The following LRRIQ1 variants were observed in gnomAD, a reference collection of about 807,000 sequenced individuals.
LRRIQ1 encodes leucine rich repeats and IQ motif containing 1.
LRRIQ1 carries 210 observed loss-of-function variants against 211.9 expected under a neutral mutation model. The ratio of observed to expected loss-of-function variants is 0.99; its 90% CI spans 0.89 to 1.11. LRRIQ1 has a LOEUF of 1.11. LRRIQ1 is among the 50% of genes most tolerant of loss of function. The probability of loss-of-function intolerance (pLI) is 0.00; values close to 1 mark genes in which losing one functional copy is unlikely to be tolerated. For missense variants in LRRIQ1, 2,136 were observed against 1,939.5 expected, an observed-to-expected ratio of 1.10 and a Z score of -1.90; for synonymous variants, 699 against 650.1, an observed-to-expected ratio of 1.08 and a Z score of -1.14.
chr12:85,132,194 T>G (rs545867079), intron 18 of LRRIQ1, among the ~76,000 whole-genome samples: 1 of 152,218 alleles, frequency 6.6e-6, no homozygotes, highest in South Asian at 2.1e-4. Context: ...CCAGCTTCTT[T>G]TCACTAGGTC....
intron 7 of LRRIQ1, among the ~76,000 whole-genome samples, chr12:85,054,253 A>G (rs1295169878): frequency 6.6e-6 from 1 of 152,210 alleles, no homozygotes; most frequent in Non-Finnish European, 1.5e-5. Flanking sequence ...GAGAGATACA[A>G]AGAAAATCAC....
At chr12:85,148,486 C>T (rs1187918686) in intron 19 of LRRIQ1, among the ~76,000 whole-genome samples, 1 of 151,822 alleles carries the variant, frequency 6.6e-6, no homozygotes, top group East Asian at 1.9e-4. Flanking sequence ...GATCTCATTC[C>T]TTTTTATGGT....
chr12:85,072,886 T>G (rs1469748784), intron 10 of LRRIQ1, 21 bp from the exon 11 acceptor site: 8 of 1,572,242 alleles, frequency 5.1e-6, no homozygotes, highest in Non-Finnish European at 6.0e-6. Context: ...TATTTGGTCT[T>G]AATTCTGTCA....
chr12:85,241,602 G>A (rs1047884840), intron 26 of LRRIQ1, among the ~76,000 whole-genome samples: 13 of 151,782 alleles, frequency 8.6e-5, no homozygotes, highest in Non-Finnish European at 1.3e-4. Flanking sequence ...AAAGCAAGCA[G>A]CAGAAAATAT....
intron 1 of LRRIQ1, among the ~76,000 whole-genome samples, chr12:85,250,859 A>G (rs182645598): frequency 2.1e-5 from 1 of 47,362 alleles, no homozygotes; most frequent in Non-Finnish European, 4.0e-5. Flanking sequence ...TATAATATAT[A>G]TTATAGATTA....
chr12:85,089,627 G>A (rs576164960), intron 11 of LRRIQ1, among the ~76,000 whole-genome samples: 4 of 152,294 alleles, frequency 2.6e-5, no homozygotes, highest in Admixed American at 2.6e-4. Context: ...TGAAAGTGGT[G>A]ATTTATGATT....
At chr12:85,055,289 G>A (rs1006905229) in intron 7 of LRRIQ1, among the ~76,000 whole-genome samples, 5 of 151,646 alleles carry the variant, frequency 3.3e-5, no homozygotes, top group Non-Finnish European at 5.9e-5. Flanking sequence ...CTATCTTCAA[G>A]GAAATCTTCA....
intron 3 of LRRIQ1, among the ~76,000 whole-genome samples, chr12:85,043,945 T>C (rs1023998726): frequency 6.6e-6 from 1 of 152,156 alleles, no homozygotes; most frequent in Non-Finnish European, 1.5e-5. Context: ...AAAAGAGTTA[T>C]GTAAATATAT....
chr12:85,200,423 A>G lies in LRRIQ1; in HGVS notation c.4823-29094A>G, dbSNP rs1242867638. 2.0e-5 allele frequency among the ~76,000 whole-genome samples: 3 copies of G among 152,040 alleles called. No individual in the cohort carries two copies. In the East Asian group the frequency reaches 5.8e-4, roughly 29 times the overall value. On this transcript the variant is annotated intron_variant, in intron 24 of 26. Transcript: ENST00000393217. ...TCTGCAAATAGAGATAGTCTGACAA[A>G]TCTCTTCCTATTTTGATGCCTTTTA...
At chr12:85,060,975 G>A (rs1881725534) in intron 8 of LRRIQ1, among the ~76,000 whole-genome samples, 1 of 151,732 alleles carries the variant, frequency 6.6e-6, no homozygotes. Flanking sequence ...TATAATGAGA[G>A]TTTCATAGCT....
At chr12:85,062,863 A>C (rs1004480545) in intron 8 of LRRIQ1, among the ~76,000 whole-genome samples, 4 of 151,568 alleles carry the variant, frequency 2.6e-5, no homozygotes, top group Non-Finnish European at 5.9e-5. Flanking sequence ...ACCAACATCT[A>C]TTATTTTTTG....
At chr12:85,190,150 G>C (rs1892430360) in intron 24 of LRRIQ1, among the ~76,000 whole-genome samples, 1 of 141,744 alleles carries the variant, frequency 7.1e-6, no homozygotes, top group South Asian at 2.2e-4. Flanking sequence ...ATATAATATA[G>C]TAATATAACA....
intron 24 of LRRIQ1, among the ~76,000 whole-genome samples, chr12:85,215,374 G>A (rs912382532): frequency 2.6e-5 from 4 of 152,160 alleles, no homozygotes; most frequent in South Asian, 2.1e-4. Flanking sequence ...TTTAAGTTCA[G>A]GGGTACGTGT....
At chr12:85,232,842 A>G (rs897760894) in intron 26 of LRRIQ1, 86 bp downstream of exon 26, 6 of 896,082 alleles carry the variant, frequency 6.7e-6, no homozygotes, top group Non-Finnish European at 1.1e-5. Flanking sequence ...TTATAATTAA[A>G]CTATGAAAAT....
chr12:85,046,065 G>A lies in LRRIQ1; in HGVS notation c.382G>A (p.Asp128Asn), dbSNP rs781016761. 1.4e-5 allele frequency: 22 copies of A among 1,611,304 alleles called. No individual in the cohort carries two copies. The highest frequency in any genetic ancestry group is 3.3e-4 in the Middle Eastern group (2 of 6,070). The change falls in exon 5 of 27, where the codon GAT becomes AAT. Residue 128 changes from aspartate (D) to asparagine (N), a missense_variant. By Grantham distance (23) the Asp-to-Asn change is conservative (BLOSUM62 1). Transcript: ENST00000393217. ...EKEEFMRSKT[D>N]CATPDFVPEP... ...AGAAGAATTTATGAGAAGTAAAACC[G>A]ATTGTGCCACTCCTGATTTTGTTCC...
intron 24 of LRRIQ1, among the ~76,000 whole-genome samples, chr12:85,200,264 A>T (rs1050626448): frequency 6.6e-6 from 1 of 152,036 alleles, no homozygotes; most frequent in African/African-American, 2.4e-5. Context: ...CTGGGCTCTC[A>T]GCTTGGATGT....
At chr12:85,186,290 G>T (rs935920157) in intron 24 of LRRIQ1, among the ~76,000 whole-genome samples, 3 of 152,158 alleles carry the variant, frequency 2.0e-5, no homozygotes, top group Non-Finnish European at 4.4e-5. Flanking sequence ...GGACTTGTTT[G>T]TTCAGATGAC....
intron 6 of LRRIQ1, 36 bp downstream of exon 6, chr12:85,047,506 C>A: frequency 6.6e-7 from 1 of 1,510,142 alleles, no homozygotes; most frequent in South Asian, 1.2e-5. Flanking sequence ...TTTTTAAAAT[C>A]AGTAGCTACC....
At chr12:85,041,407 A>G (rs1387507271) in intron 3 of LRRIQ1, among the ~76,000 whole-genome samples, 1 of 151,722 alleles carries the variant, frequency 6.6e-6, no homozygotes, top group Non-Finnish European at 1.5e-5. Flanking sequence ...ACTGCTATGA[A>G]GGAAAAAAAT....
Sources: gnomAD v4.1 joint callset for allele counts (sites outside exome capture counted in the v4.1 genomes callset) on GRCh38, gnomAD v4.1.1 for gene constraint, MANE v1.5 for transcripts, NCBI Gene and HGNC (gene_info 2026-07-23, HGNC 2026-07-21) for gene names.